The following ANOS1 variants were observed in gnomAD, a reference collection of about 807,000 sequenced individuals.
The protein encoded by ANOS1 is anosmin 1.
A neutral mutation model predicts 59.0 loss-of-function variants in ANOS1; 6 were observed. That is an observed-to-expected ratio of 0.10 (90% confidence interval 0.06 to 0.20). ANOS1 has a LOEUF of 0.20. Ranked by LOEUF, ANOS1 falls within the 10% of genes least tolerant of loss-of-function variation. The probability of loss-of-function intolerance (pLI) is 1.00; values close to 1 mark genes in which losing one functional copy is unlikely to be tolerated. For missense variants in ANOS1, 433 were observed against 542.3 expected (o/e 0.80, Z 2.00); for synonymous variants, 217 against 223.4 (o/e 0.97, Z 0.25).
At chrX:8,682,388 G>A (rs1472742640) in intron 2 of ANOS1, among the ~76,000 whole-genome samples, 1 of 101,790 alleles carries the variant, frequency 9.8e-6, no homozygotes, top group Non-Finnish European at 1.9e-5. Flanking sequence ...ATACACAAAA[G>A]GGACTGGAGC....
chrX:8,533,187 A>T, intron 13 of ANOS1, 134 bp from the exon 14 acceptor site: 1 of 488,422 alleles, frequency 2.0e-6, no homozygotes, highest in Non-Finnish European at 3.7e-6. Flanking sequence ...TCCTATTCTG[A>T]ATCTGAATGT....
rs931527287 is a variant in ANOS1 at position 8,591,676 on chromosome X, C to T, written c.542-3698G>A. Among the ~76,000 whole-genome samples the T allele has an allele frequency of 2.7e-5, 3 of 112,022 alleles. No individual in the cohort carries two copies. In the Admixed American group the frequency reaches 2.9e-4, roughly 11 times the overall value. On this transcript the variant is annotated intron_variant, in intron 4 of 13. Coordinates refer to ENST00000262648, the MANE Select transcript of ANOS1 (RefSeq NM_000216.4). ...TGGTCCATCTGCTTTCCATTAAAGTCAGTTGGCTCCTTTGATTGGAAGTAA... is the reference window on the plus strand; with the variant it reads ...TGGTCCATCTGCTTTCCATTAAAGTTAGTTGGCTCCTTTGATTGGAAGTAA...
At chrX:8,538,868 T>G (rs1243718794) in intron 10 of ANOS1, among the ~76,000 whole-genome samples, 1 of 112,258 alleles carries the variant, frequency 8.9e-6, no homozygotes, top group Non-Finnish European at 1.9e-5. Context: ...GGTATGGTTC[T>G]TAAAATATCG....
intron 2 of ANOS1, among the ~76,000 whole-genome samples, chrX:8,689,674 C>G (rs1202643547): frequency 1.8e-5 from 2 of 109,356 alleles, no homozygotes; most frequent in Non-Finnish European, 3.8e-5. Flanking sequence ...TGCCACTGCA[C>G]TTCAGCCTGG....
chrX:8,538,768 A>T (rs1929637474), intron 10 of ANOS1, among the ~76,000 whole-genome samples: 1 of 112,344 alleles, frequency 8.9e-6, no homozygotes, highest in Admixed American at 9.4e-5. Flanking sequence ...ACATGAGACA[A>T]ATTAAGTCCA....
chrX:8,721,586 G>A (rs933992647), intron 1 of ANOS1, among the ~76,000 whole-genome samples: 18 of 112,059 alleles, frequency 1.6e-4, no homozygotes, highest in African/African-American at 5.5e-4. Flanking sequence ...GTGTCCAACC[G>A]CAAGCCAAGA....
intron 2 of ANOS1, among the ~76,000 whole-genome samples, chrX:8,630,650 T>C (rs189690649): frequency 9.0e-6 from 1 of 111,428 alleles, no homozygotes; most frequent in Admixed American, 9.6e-5. Context: ...GTCTGATTGC[T>C]AGTAGGAGAA....
rs757532758 is a variant in ANOS1 at position 8,682,354 on chromosome X, C to CCACACACACACACACACACACA, written c.255+17322_255+17343dup. Among the ~76,000 whole-genome samples, 151 of 101,606 alleles carry CCACACACACACACACACACACA rather than the reference C, an allele frequency of 1.5e-3. 1 individual carries two copies. Among genetic ancestry groups the CCACACACACACACACACACACA allele is most frequent in the African/African-American group, 5.3e-3 (144 of 27,298 alleles). 88.2% of individuals were successfully genotyped at this position (101,606 alleles called of 115,157 possible). ...CTTTTTTCGGAAAACGAGAATTTCA[C>CCACACACACACACACACACACA]CACACACACACACACACACACACAT... On this transcript the variant is annotated intron_variant, in intron 2 of 13. Coordinates refer to ENST00000262648, the MANE Select transcript of ANOS1 (RefSeq NM_000216.4).
At chrX:8,626,652 G>A (rs1478831856) in intron 2 of ANOS1, among the ~76,000 whole-genome samples, 1 of 110,581 alleles carries the variant, frequency 9.0e-6, no homozygotes, top group Non-Finnish European at 1.9e-5. Flanking sequence ...AAGGTCAGGA[G>A]ATCGAGACCA....
chrX:8,707,518 A>G lies in ANOS1; in HGVS notation c.208-7773T>C, dbSNP rs758858178. Among the ~76,000 whole-genome samples the G allele has an allele frequency of 8.0e-5, 9 of 112,030 alleles. No individual in the cohort carries two copies. The East Asian group carries it at 2.5e-3, about 32-fold the overall frequency. ...ACGTTATTTAATAAATAAAAATACTAATTATCTTTTTATAGGGTGTAGATA... is the reference window on the plus strand; with the variant it reads ...ACGTTATTTAATAAATAAAAATACTGATTATCTTTTTATAGGGTGTAGATA... On this transcript the variant is annotated intron_variant, in intron 1 of 13. Coordinates refer to ENST00000262648, the MANE Select transcript of ANOS1 (RefSeq NM_000216.4).
At chrX:8,608,834 G>A (rs1460069212) in intron 3 of ANOS1, among the ~76,000 whole-genome samples, 4 of 111,910 alleles carry the variant, frequency 3.6e-5, no homozygotes, top group Non-Finnish European at 7.5e-5. Context: ...TCTCCTTCCT[G>A]CTGCCTTGTG....
chrX:8,563,863 A>G (rs1001649581), intron 8 of ANOS1, among the ~76,000 whole-genome samples: 2 of 112,243 alleles, frequency 1.8e-5, no homozygotes, highest in Non-Finnish European at 3.8e-5. Context: ...AGTAACCTCA[A>G]TGGAGACCAG....
intron 4 of ANOS1, among the ~76,000 whole-genome samples, chrX:8,592,668 A>C: frequency 9.0e-6 from 1 of 111,399 alleles, no homozygotes; most frequent in East Asian, 2.8e-4. Context: ...AGAAATAGAA[A>C]GGAAAAAGGA....
rs977710795 is a variant in ANOS1, at chrX:8,585,613, G to A, written c.727-217C>T. Among the ~76,000 whole-genome samples, 11 of 112,028 alleles carry A rather than the reference G, an allele frequency of 9.8e-5. No homozygotes were observed. In the East Asian group the frequency reaches 2.5e-3, roughly 26 times the overall value. On this transcript the variant is annotated intron_variant, in intron 5 of 13. Coordinates refer to ENST00000262648, the MANE Select transcript of ANOS1 (RefSeq NM_000216.4). ...CCCAAAGAATTAAACATCTCTTGAA[G>A]TCAAAACCTTATGACAAGAGCTTGG... is the stretch of plus-strand genomic sequence containing the variant.
chrX:8,689,419 G>A (rs187845942), intron 2 of ANOS1, among the ~76,000 whole-genome samples: 31 of 110,315 alleles, frequency 2.8e-4, no homozygotes, highest in African/African-American at 9.9e-4. Flanking sequence ...ACTTCAGGCC[G>A]GTCTCCGTGG....
chrX:8,551,815 A>G (rs1211135778), intron 9 of ANOS1, among the ~76,000 whole-genome samples: 3 of 111,962 alleles, frequency 2.7e-5, no homozygotes, highest in Non-Finnish European at 5.6e-5. Context: ...TCTACTAAAA[A>G]TACAAAAATT....
chrX:8,614,412 C>G (rs868831858), intron 3 of ANOS1, among the ~76,000 whole-genome samples: 2 of 111,396 alleles, frequency 1.8e-5, no homozygotes, highest in African/African-American at 3.3e-5. Context: ...ACATTTTATT[C>G]TATAACGCAG....
intron 2 of ANOS1, among the ~76,000 whole-genome samples, chrX:8,681,144 A>G (rs1469367349): frequency 9.0e-6 from 1 of 111,604 alleles, no homozygotes; most frequent in Non-Finnish European, 1.9e-5. Context: ...TTAAAATGGT[A>G]TATAAACTTC....
chrX:8,683,998 T>C (rs1332154885), intron 2 of ANOS1, among the ~76,000 whole-genome samples: 1 of 111,593 alleles, frequency 9.0e-6, no homozygotes, highest in Non-Finnish European at 1.9e-5. Context: ...AGAAGAAATA[T>C]AGAAAATCCT....
Sources: gnomAD v4.1 joint callset for allele counts (sites outside exome capture counted in the v4.1 genomes callset) on GRCh38, gnomAD v4.1.1 for gene constraint, MANE v1.5 for transcripts, NCBI Gene and HGNC (gene_info 2026-07-23, HGNC 2026-07-21) for gene names.